Variants in SLC2A12 observed in about 807,000 individuals in gnomAD.
SLC2A12 encodes the protein solute carrier family 2 member 12.
In SLC2A12, 23 loss-of-function variants were observed where a neutral mutation model predicts 41.8. The ratio of observed to expected loss-of-function variants is 0.55; its 90% CI spans 0.40 to 0.78. SLC2A12 has a LOEUF of 0.78. Ranked by LOEUF, SLC2A12 falls within the 30% of genes least tolerant of loss-of-function variation. SLC2A12 has a pLI of 0.00. For synonymous variants in SLC2A12, 295 were observed against 285.9 expected (o/e 1.03, Z -0.32); for missense variants, 654 against 745.6 (o/e 0.88, Z 1.43).
intron 4 of SLC2A12, among the ~76,000 whole-genome samples, chr6:133,997,492 A>G (rs564461953): frequency 5.9e-5 from 9 of 152,322 alleles, no homozygotes; most frequent in Non-Finnish European, 1.2e-4. Flanking sequence ...GAACGAAATC[A>G]TTTGTAGCAA....
intron 2 of SLC2A12, among the ~76,000 whole-genome samples, chr6:134,015,370 A>T (rs1214911155): frequency 6.6e-6 from 1 of 152,158 alleles, no homozygotes; most frequent in Non-Finnish European, 1.5e-5. Context: ...GCTGGGCTTA[A>T]TACCTAGGTG....
At chr6:134,046,315 A>G (rs1777453816) in intron 1 of SLC2A12, among the ~76,000 whole-genome samples, 1 of 152,236 alleles carries the variant, frequency 6.6e-6, no homozygotes, top group Non-Finnish European at 1.5e-5. Flanking sequence ...ACAATTTAAC[A>G]GTTTAAAATT....
chr6:134,041,046 A>G (rs1777375540), intron 1 of SLC2A12, among the ~76,000 whole-genome samples: 1 of 152,236 alleles, frequency 6.6e-6, no homozygotes, highest in South Asian at 2.1e-4. Flanking sequence ...CCATTGAACC[A>G]AGAAAGGAAC....
chr6:133,987,755 G>A lies in SLC2A12; in HGVS notation c.*3400C>T, dbSNP rs1776559314. 6.6e-6 allele frequency: 1 copy of A among 152,068 alleles called. No individual in the cohort carries two copies. The highest frequency in any genetic ancestry group is 1.5e-5 in the Non-Finnish European group (1 of 67,930). The allele number at this position is 152,068 out of a possible 1,614,324, so 9.4% of individuals were successfully genotyped here. ...TCTTGCAGATTAGAAATAAAAACGT[G>A]TATATAAACTCTAGGGAACCAGACT... On this transcript the variant is annotated 3_prime_UTR_variant, in exon 5 of 5. Coordinates refer to ENST00000275230, the MANE Select transcript of SLC2A12 (RefSeq NM_145176.3).
rs901126271 is a variant in SLC2A12 at position 134,031,412 on chromosome 6, A to C, written c.104-1691T>G. Among the ~76,000 whole-genome samples the C allele has an allele frequency of 2.9e-4, 36 of 124,636 alleles. 1 individual carries two copies. Among genetic ancestry groups the C allele is most frequent in the South Asian group, 2.3e-3 (8 of 3,546 alleles). The allele number at this position is 124,636 out of a possible 152,430, so 81.8% of individuals were successfully genotyped here. On this transcript the variant is annotated intron_variant, in intron 1 of 4. Transcript: ENST00000275230. ...ATCTCACAAAAAAACAAAAAACAAAAAACAAACAACAAACAAAAAAAACAT... is the reference window on the plus strand; with the variant it reads ...ATCTCACAAAAAAACAAAAAACAAACAACAAACAACAAACAAAAAAAACAT...
At chr6:134,000,005 G>A (rs113988567) in intron 4 of SLC2A12, among the ~76,000 whole-genome samples, 6 of 152,218 alleles carry the variant, frequency 3.9e-5, no homozygotes, top group African/African-American at 7.2e-5. Context: ...TATTTAAATC[G>A]TGTTTGTAAT....
chr6:133,998,026 G>T (rs1776716436), intron 4 of SLC2A12, among the ~76,000 whole-genome samples: 1 of 152,088 alleles, frequency 6.6e-6, no homozygotes, highest in African/African-American at 2.4e-5. Flanking sequence ...TTTGGCTTTT[G>T]GTCCTCTCCT....
chr6:134,023,834 C>T (rs1225689511), intron 2 of SLC2A12, among the ~76,000 whole-genome samples: 1 of 152,194 alleles, frequency 6.6e-6, no homozygotes, highest in African/African-American at 2.4e-5. Context: ...TTTTCCCCCA[C>T]AGTCACGTGT....
intron 1 of SLC2A12, among the ~76,000 whole-genome samples, chr6:134,034,833 G>A (rs970296216): frequency 6.6e-6 from 1 of 152,158 alleles, no homozygotes; most frequent in Non-Finnish European, 1.5e-5. Context: ...CAGCTTTCAA[G>A]TCAGTCTGCC....
In SLC2A12 at chr6:134,028,936, T is replaced by C. The variant is rs1777155460; in HGVS notation, c.889A>G (p.Ile297Val). Residue 297 changes from isoleucine to valine, a missense_variant, in exon 2 of 5, where the codon ATA becomes GTA. Ile to Val is a conservative substitution (Grantham distance 29). Transcript: ENST00000275230. Reference sequence around the variant, plus strand: ...AAAACAGTTGATGCATAGAACAATATGTTTGGTTGGCCAGTGATTTGTACA... The same window carrying C: ...AAAACAGTTGATGCATAGAACAATACGTTTGGTTGGCCAGTGATTTGTACA... ...FFVQITGQPNILFYASTVLKS... is the reference protein window; with the variant it reads ...FFVQITGQPNVLFYASTVLKS... 2 of 1,614,132 alleles carry C rather than the reference T, an allele frequency of 1.2e-6. No homozygotes were observed. Among genetic ancestry groups the C allele is most frequent in the South Asian group, 2.2e-5 (2 of 91,092 alleles).
Position 134,006,667 on chromosome 6 carries a change from G to T in SLC2A12, c.1567+145C>A, listed in dbSNP as rs150854633. On this transcript the variant is annotated intron_variant, in intron 3 of 4. Coordinates refer to ENST00000275230, the MANE Select transcript of SLC2A12 (RefSeq NM_145176.3). Reference sequence around the variant, plus strand: ...ATTTACATTCAAAACTGTAAATTGGGTCATGGGTACTTCAGGGTCATGGCC... The same window carrying T: ...ATTTACATTCAAAACTGTAAATTGGTTCATGGGTACTTCAGGGTCATGGCC... The T allele has an allele frequency of 2.6e-4, 263 of 995,176 alleles. 1 individual carries two copies. In the African/African-American group the frequency reaches 3.9e-3, roughly 15 times the overall value. The allele number at this position is 995,176 out of a possible 1,614,324, so 61.6% of individuals were successfully genotyped here.
intron 1 of SLC2A12, among the ~76,000 whole-genome samples, chr6:134,040,836 TTAGTTACCCATG>T (rs890497826): frequency 2.6e-5 from 4 of 152,150 alleles, no homozygotes; most frequent in African/African-American, 9.7e-5. Flanking sequence ...TCTGAATCTT[TTAGTTACCCATG>T]TAGGAAAAGT....
intron 3 of SLC2A12, among the ~76,000 whole-genome samples, chr6:134,002,923 C>T (rs181570779): frequency 7.8e-4 from 119 of 152,320 alleles, no homozygotes; most frequent in African/African-American, 2.7e-3. Flanking sequence ...AGTCAAGGCA[C>T]ATTCAGTGGT....
In SLC2A12 at chr6:133,989,333, CA is replaced by C. The variant is rs1289791758; in HGVS notation, c.*1821del. ...ATTTGAAGACAAAATTGTTTAGTTA[CA>C]GACTCAGGATAATAAAAGAAAAATA... On this transcript the variant is annotated 3_prime_UTR_variant, in exon 5 of 5. Coordinates refer to ENST00000275230, the MANE Select transcript of SLC2A12 (RefSeq NM_145176.3). 2 of 152,044 alleles carry C rather than the reference CA, an allele frequency of 1.3e-5. No individual in the cohort carries two copies. Among genetic ancestry groups the C allele is most frequent in the Non-Finnish European group, 2.9e-5 (2 of 68,012 alleles). The allele number at this position is 152,044 out of a possible 1,614,324, so 9.4% of individuals were successfully genotyped here. A position where few individuals can be genotyped will look rare whatever the true frequency, so the allele number is the denominator to read the frequency against.
At chr6:134,001,463 T>C (rs1418632755) in intron 4 of SLC2A12, among the ~76,000 whole-genome samples, 1 of 152,210 alleles carries the variant, frequency 6.6e-6, no homozygotes, top group Admixed American at 6.5e-5. Context: ...ATATTAAACT[T>C]TGTTCTAGTA....
At chr6:134,048,911 G>C (rs1279547147) in intron 1 of SLC2A12, among the ~76,000 whole-genome samples, 1 of 152,054 alleles carries the variant, frequency 6.6e-6, no homozygotes, top group East Asian at 1.9e-4. Context: ...CCAAGTCTCC[G>C]TCTCTTTTAC....
chr6:133,991,964 G>T (rs969709622), intron 4 of SLC2A12, among the ~76,000 whole-genome samples: 1 of 152,008 alleles, frequency 6.6e-6, no homozygotes, highest in African/African-American at 2.4e-5. Context: ...CGGGGAAGGA[G>T]AAAAAAGGGT....
intron 2 of SLC2A12, among the ~76,000 whole-genome samples, chr6:134,022,453 C>A (rs1777052686): frequency 6.6e-6 from 1 of 151,986 alleles, no homozygotes; most frequent in Admixed American, 6.6e-5. Context: ...ATCTCTTGAA[C>A]CCGGGAGGCA....
In SLC2A12 at chr6:134,028,581, C is replaced by T. The variant is rs780694724; in HGVS notation, c.1244G>A (p.Ser415Asn). ...RDHFKGISSH[S>N]RSSLMPLRND... ...TCTCAGGGGCATGAGTGAGCTTCTG[C>T]TATGGGAAGAAATCCCTTTGAAGTG... Residue 415 changes from serine (S) to asparagine (N), a missense_variant, in exon 2 of 5, where the codon AGC becomes AAC. By Grantham distance (46) the Ser-to-Asn change is conservative. Transcript: ENST00000275230. 1 of 1,614,164 alleles carries T rather than the reference C, an allele frequency of 6.2e-7. No individual in the cohort carries two copies. Among genetic ancestry groups the T allele is most frequent in the Non-Finnish European group, 8.5e-7 (1 of 1,180,020 alleles).
Sources: allele counts gnomAD v4.1 joint callset (sites outside exome capture counted in the v4.1 genomes callset), GRCh38; gene constraint gnomAD v4.1.1; transcripts MANE v1.5; gene names NCBI Gene and HGNC (gene_info 2026-07-23, HGNC 2026-07-21).